COL4A4: variants seen among roughly 807,000 people sequenced by gnomAD.
COL4A4 encodes collagen alpha-4(IV) chain.
Under a neutral mutation model 192.9 loss-of-function variants are expected in COL4A4, and 105 were observed. That is an observed-to-expected ratio of 0.54 (90% CI 0.46 to 0.64). COL4A4 has a LOEUF of 0.64. COL4A4 is among the 30% of genes least tolerant of loss of function. COL4A4 has a pLI of 0.00. For missense variants in COL4A4, 1,967 were observed against 2,169.3 expected (o/e 0.91, Z 1.85); for synonymous variants, 762 against 769.9 (o/e 0.99, Z 0.17).
rs565070506 is a variant in COL4A4, at chr2:227,030,426, C to T, written c.3973+17G>A. The T allele has an allele frequency of 1.9e-5, 31 of 1,613,548 alleles. No individual in the cohort carries two copies. The highest frequency in any genetic ancestry group is 1.6e-4 in the African/African-American group (12 of 74,914). ...ACCAAGTTATTCACATATTACTTAA[C>T]GGAACAACATTCATACCTTTCTGGC... On this transcript the variant is annotated intron_variant, in intron 41 of 47. Transcript: ENST00000396625.
intron 25 of COL4A4, among the ~76,000 whole-genome samples, chr2:227,072,735 G>C (rs1307427761): frequency 1.3e-5 from 2 of 151,838 alleles, no homozygotes; most frequent in Non-Finnish European, 2.9e-5. Flanking sequence ...AGGGATGTAG[G>C]GATGGTTTAA....
At chr2:227,036,493 C>A (rs1969706021) in intron 37 of COL4A4, among the ~76,000 whole-genome samples, 1 of 152,152 alleles carries the variant, frequency 6.6e-6, no homozygotes, top group African/African-American at 2.4e-5. Flanking sequence ...GCTGCTCACC[C>A]TAACTTCAAA....
intron 25 of COL4A4, 128 bp from the exon 26 acceptor site, chr2:227,062,726 C>A: frequency 1.4e-6 from 1 of 722,664 alleles, no homozygotes; most frequent in Admixed American, 2.2e-5. Flanking sequence ...AAAAAGAAGA[C>A]TCCCAAGTAT....
chr2:227,062,678 C>T, intron 25 of COL4A4, 80 bp from the exon 26 acceptor site: 1 of 994,620 alleles, frequency 1.0e-6, no homozygotes, highest in Middle Eastern at 2.1e-4. Flanking sequence ...ACAACTTCCT[C>T]AAGATATTTT....
intron 25 of COL4A4, among the ~76,000 whole-genome samples, chr2:227,070,555 G>T (rs988476231): frequency 1.3e-5 from 2 of 152,176 alleles, no homozygotes; most frequent in South Asian, 2.1e-4. Flanking sequence ...AACAATGAGT[G>T]CATGTCCTTT....
In COL4A4 at chr2:227,005,669, G is replaced by C. The variant is rs1266074374; in HGVS notation, c.*1656C>G. The C allele has an allele frequency of 6.6e-6, 1 of 152,150 alleles. No homozygotes were observed. Among genetic ancestry groups the C allele is most frequent in the African/African-American group, 2.4e-5 (1 of 41,422 alleles). The allele number at this position is 152,150 out of a possible 1,614,324, so 9.4% of individuals were successfully genotyped here. A position where few individuals can be genotyped will look rare whatever the true frequency, so the allele number is the denominator to read the frequency against. ...TTTGAAATGTGTTCTGCATATAAGA[G>C]CTCATTACAAATCAAGGTTTGGCAA... On this transcript the variant is annotated 3_prime_UTR_variant, in exon 48 of 48. Coordinates refer to ENST00000396625, the MANE Select transcript of COL4A4 (RefSeq NM_000092.5).
At chr2:227,145,715 A>G (rs577228139) in intron 2 of COL4A4, among the ~76,000 whole-genome samples, 2 of 152,100 alleles carry the variant, frequency 1.3e-5, no homozygotes, top group African/African-American at 4.8e-5. Context: ...TCCACCCTCT[A>G]CTTCTTCCTC....
chr2:227,051,986 T>C (rs1053047031), intron 32 of COL4A4, among the ~76,000 whole-genome samples: 1 of 152,136 alleles, frequency 6.6e-6, no homozygotes, highest in African/African-American at 2.4e-5. Context: ...GGTCAGGAGT[T>C]TGAGACCAGC....
the COL4A4 span, among the ~76,000 whole-genome samples, chr2:226,986,017 A>G: frequency 2.0e-5 from 3 of 152,262 alleles, no homozygotes; most frequent in East Asian, 3.8e-4. Context: ...GTGATAAGTC[A>G]TGTTGACAGC....
At chr2:227,117,043 G>C (rs911604034) in intron 7 of COL4A4, among the ~76,000 whole-genome samples, 1 of 152,256 alleles carries the variant, frequency 6.6e-6, no homozygotes, top group East Asian at 1.9e-4. Context: ...AACTGGCAAA[G>C]TTTCTAATGT....
chr2:227,053,423 C>T (rs1472182989), intron 31 of COL4A4, among the ~76,000 whole-genome samples: 9 of 152,072 alleles, frequency 5.9e-5, no homozygotes, highest in Non-Finnish European at 1.3e-4. Flanking sequence ...CTACCTTCAC[C>T]CATTAGAGCC....
At chr2:227,113,256 G>T (rs554273111) in intron 8 of COL4A4, among the ~76,000 whole-genome samples, 1 of 152,244 alleles carries the variant, frequency 6.6e-6, no homozygotes, top group Admixed American at 6.5e-5. Context: ...CCATTAGAAT[G>T]AGTATAAAGT....
intron 4 of COL4A4, among the ~76,000 whole-genome samples, chr2:227,124,214 G>A (rs2061961471): frequency 6.6e-6 from 1 of 152,200 alleles, no homozygotes; most frequent in Non-Finnish European, 1.5e-5. Flanking sequence ...GAAACTGCAT[G>A]TCTCATAAGT....
rs1180066328 is a variant in COL4A4 at position 227,108,845 on chromosome 2, A to G, written c.681T>C (p.Arg227=). 4 of 1,612,052 alleles carry G rather than the reference A, an allele frequency of 2.5e-6. No homozygotes were observed. The highest frequency in any genetic ancestry group is 3.3e-4 in the Middle Eastern group (2 of 6,060). Residue 227 remains arginine (R), a synonymous_variant, in exon 11 of 48, where the codon CGT becomes CGC. Transcript: ENST00000396625. Reference sequence around the variant, plus strand: ...CATGACTGCCTACCTTCAAACCTGGACGCCCTGGTTGGCCCGGAGGTCCCT... The same window carrying G: ...CATGACTGCCTACCTTCAAACCTGGGCGCCCTGGTTGGCCCGGAGGTCCCT... ...GLVGPPGQPG[R]PGLKGNPGVG... is the part of the protein sequence containing the mutation.
intron 37 of COL4A4, among the ~76,000 whole-genome samples, chr2:227,038,255 GA>G (rs1252286401): frequency 1.3e-5 from 2 of 152,186 alleles, no homozygotes; most frequent in African/African-American, 4.8e-5. Context: ...AAGGTGTAAG[GA>G]AGGGGTCCGG....
intron 32 of COL4A4, among the ~76,000 whole-genome samples, chr2:227,052,017 C>T (rs1158357387): frequency 6.6e-6 from 1 of 152,034 alleles, no homozygotes; most frequent in Non-Finnish European, 1.5e-5. Context: ...TGGTGAAACC[C>T]CCATCTTTAC....
intron 45 of COL4A4, among the ~76,000 whole-genome samples, chr2:227,010,873 T>C (rs1963538602): frequency 6.6e-6 from 1 of 152,228 alleles, no homozygotes; most frequent in Admixed American, 6.5e-5. Flanking sequence ...AAGGACAGTG[T>C]AATGACACAC....
At position 227,059,502 on chromosome 2, in the gene COL4A4, A is replaced by G; in HGVS notation, c.2286T>C (p.Pro762=). The change falls in exon 28 of 48, where the codon CCT becomes CCC. Residue 762 remains proline, a synonymous_variant. Transcript: ENST00000396625. The part of the protein sequence containing the change: ...VNGQKGIPGD[P]AFGHLGPPGK... The stretch of plus-strand genomic sequence containing the variant: ...CCGGGGGTCCCAGGTGACCAAATGC[A>G]GGGTCTCCCGGGATTCCTTTCTGAC... The G allele has an allele frequency of 6.2e-7, 1 of 1,614,076 alleles. No individual in the cohort carries two copies. Among genetic ancestry groups the G allele is most frequent in the Non-Finnish European group, 8.5e-7 (1 of 1,179,978 alleles).
At chr2:227,139,191 C>A (rs549864411) in intron 4 of COL4A4, among the ~76,000 whole-genome samples, 1 of 152,280 alleles carries the variant, frequency 6.6e-6, no homozygotes, top group South Asian at 2.1e-4. Flanking sequence ...ACTGGATCTG[C>A]CAGCACCTTG....
Sources: allele counts gnomAD v4.1 joint callset (sites outside exome capture counted in the v4.1 genomes callset), GRCh38; gene constraint gnomAD v4.1.1; transcripts MANE v1.5; gene names NCBI Gene and HGNC (gene_info 2026-07-23, HGNC 2026-07-21).